Variants in DEPDC4 observed in about 807,000 individuals in gnomAD.
DEPDC4 encodes the protein DEP domain containing 4.
In DEPDC4, 52 loss-of-function variants were observed where a neutral mutation model predicts 52.0. The observed-to-expected ratio is 1.00, with a 90% CI of 0.80 to 1.26. The LOEUF (loss-of-function observed/expected upper bound fraction) is 1.26. Among genes scored for constraint, DEPDC4 ranks in the 50% most tolerant of loss-of-function variants. The pLI, the probability that DEPDC4 is intolerant of heterozygous loss-of-function variation, is 0.00. For missense variants in DEPDC4, 530 were observed against 546.9 expected, an observed-to-expected ratio of 0.97 and a Z score of 0.31; for synonymous variants, 201 against 196.8, an observed-to-expected ratio of 1.02 and a Z score of -0.18.
At chr12:100,263,384 AT>A (rs774582611) in intron 2 of DEPDC4, 112 bp downstream of exon 2, 20,674 of 683,016 alleles carry the variant, frequency 0.03, 2 homozygotes, top group East Asian at 0.041. Context: ...TTTCACATGG[AT>A]TTTTTTTTTT....
chr12:100,280,150 T>C, the DEPDC4 span, among the ~76,000 whole-genome samples: 1 of 152,210 alleles, frequency 6.6e-6, no homozygotes, highest in African/African-American at 2.4e-5. Flanking sequence ...ATGTGTTTAA[T>C]ACATTTTGTT....
chr12:100,267,027 G>T lies in DEPDC4; in HGVS notation c.50C>A (p.Thr17Asn), dbSNP rs766288348. 1 of 1,613,880 alleles carries T rather than the reference G, an allele frequency of 6.2e-7. No individual in the cohort carries two copies. Among genetic ancestry groups the T allele is most frequent in the African/African-American group, 1.3e-5 (1 of 74,932 alleles). The stretch of plus-strand genomic sequence containing the variant: ...ACTGACAAGTCTACGGAACCTCGGA[G>T]TCAAAAGAACCGCCATAAGCTCGCG... ...PARELMAVLL[T>N]PRFRRLVSQN... Residue 17 changes from threonine (T) to asparagine (N), a missense_variant, in exon 1 of 10, where the codon ACT becomes AAT. Coordinates refer to ENST00000550587, the MANE Select transcript of DEPDC4 (RefSeq NM_001364818.2).
chr12:100,259,653 T>C lies in DEPDC4; in HGVS notation c.700+2611A>G, dbSNP rs74534885. On this transcript the variant is annotated intron_variant, in intron 3 of 9. Transcript: ENST00000550587. ...GGGGCATAGGGAAGTATTCGTAAGA[T>C]AGATACAGGGAGGGAAAGAGACACA... Among the ~76,000 whole-genome samples, 353 of 152,312 alleles carry C rather than the reference T, an allele frequency of 2.3e-3. 7 individuals are homozygous for C. The East Asian group carries it at 0.04, about 17-fold the overall frequency.
chr12:100,272,219 A>G, the DEPDC4 span, among the ~76,000 whole-genome samples: 8 of 152,370 alleles, frequency 5.3e-5, no homozygotes, highest in Admixed American at 2.0e-4. Context: ...AATGCCTTAC[A>G]TGACTAAGAA....
intron 5 of DEPDC4, 83 bp downstream of exon 5, chr12:100,253,406 G>C: frequency 1.0e-5 from 5 of 491,404 alleles, no homozygotes; most frequent in South Asian, 7.9e-5. Flanking sequence ...TACTCATATA[G>C]TATACACAAT....
chr12:100,254,994 G>A (rs1036029805), intron 4 of DEPDC4, among the ~76,000 whole-genome samples: 2 of 152,214 alleles, frequency 1.3e-5, no homozygotes, highest in Non-Finnish European at 2.9e-5. Flanking sequence ...CCAAGTTGCT[G>A]GGATTACAGG....
the DEPDC4 span, among the ~76,000 whole-genome samples, chr12:100,275,623 T>C: frequency 6.6e-6 from 1 of 152,244 alleles, no homozygotes; most frequent in Admixed American, 6.5e-5. Flanking sequence ...TTGTGTCATT[T>C]GGGAATAAAT....
At chr12:100,255,353 A>G (rs1592891934) in intron 4 of DEPDC4, among the ~76,000 whole-genome samples, 1 of 152,232 alleles carries the variant, frequency 6.6e-6, no homozygotes, top group Admixed American at 6.5e-5. Flanking sequence ...AAACAGGACC[A>G]TAGTTGACTA....
intron 3 of DEPDC4, among the ~76,000 whole-genome samples, chr12:100,258,263 C>T (rs1272987169): frequency 1.3e-5 from 2 of 152,032 alleles, no homozygotes; most frequent in African/African-American, 4.8e-5. Context: ...CTGGAGGATA[C>T]ATTTGAAGAT....
In DEPDC4 at chr12:100,256,197, G is replaced by C. The variant is rs1470479979; in HGVS notation, c.730C>G (p.Leu244Val). 1 of 1,612,356 alleles carries C rather than the reference G, an allele frequency of 6.2e-7. No homozygotes were observed. The highest frequency in any genetic ancestry group is 2.2e-5 in the East Asian group (1 of 44,714). The change falls in exon 4 of 10, where the codon CTT (leucine) becomes GTT (valine). Residue 244 changes from leucine (L) to valine (V), a missense_variant. Physicochemically the swap from Leu to Val is conservative, Grantham distance 32. Transcript: ENST00000550587. The part of the protein sequence containing the change: ...DVWKEQTLLC[L>V]LQLIHLPFLD... ...AATGGAAGGTGAATCAATTGAAGAAGACATAATAATGTTTGTTCTTTCCAA... is the reference window on the plus strand; with the variant it reads ...AATGGAAGGTGAATCAATTGAAGAACACATAATAATGTTTGTTCTTTCCAA...
chr12:100,235,757 T>C (rs760740316), downstream of DEPDC4, among the ~76,000 whole-genome samples: 2 of 152,236 alleles, frequency 1.3e-5, no homozygotes, highest in Middle Eastern at 3.4e-3. Flanking sequence ...GTATTTTTAG[T>C]AGAGACGGGT....
the DEPDC4 span, among the ~76,000 whole-genome samples, chr12:100,272,653 C>A: frequency 2.6e-5 from 4 of 152,134 alleles, no homozygotes; most frequent in South Asian, 4.1e-4. Context: ...AAACAACTGG[C>A]TTCTATATGT....
At chr12:100,236,304 C>T (rs2096141287), downstream of DEPDC4, among the ~76,000 whole-genome samples, 1 of 152,128 alleles carries the variant, frequency 6.6e-6, no homozygotes, top group Admixed American at 6.6e-5. Flanking sequence ...TTTACATTCC[C>T]ACCAGTAATG....
rs1157810968 is a variant in DEPDC4, at chr12:100,256,265, A to G, written c.701-39T>C. 2.7e-6 allele frequency: 4 copies of G among 1,463,718 alleles called. No homozygotes were observed. The Admixed American group carries it at 7.5e-5, about 27-fold the overall frequency. 90.7% of individuals were successfully genotyped at this position (1,463,718 alleles called of 1,614,324 possible). On this transcript the variant is annotated intron_variant, in intron 3 of 9. Transcript: ENST00000550587. ...GTAATGCAATGATCAAGATTGGTAA[A>G]TAAAACATACACATTCAACCAATAT...
intron 9 of DEPDC4, among the ~76,000 whole-genome samples, chr12:100,232,005 A>G (rs1259469498): frequency 6.6e-6 from 1 of 152,174 alleles, no homozygotes; most frequent in Non-Finnish European, 1.5e-5. Flanking sequence ...CTTTCGAAGT[A>G]TCATATTCTT....
At chr12:100,244,134 T>TACATACAC (rs1555310359) in intron 8 of DEPDC4, among the ~76,000 whole-genome samples, 1 of 121,794 alleles carries the variant, frequency 8.2e-6, no homozygotes, top group Non-Finnish European at 1.7e-5. Flanking sequence ...TATATATATA[T>TACATACAC]ACACAAAATA....
intron 7 of DEPDC4, among the ~76,000 whole-genome samples, chr12:100,251,227 G>T (rs2096206413): frequency 6.6e-6 from 1 of 151,848 alleles, no homozygotes; most frequent in Non-Finnish European, 1.5e-5. Context: ...GTATCACTGT[G>T]CCCAGCTAGA....
Position 100,253,658 on chromosome 12 carries a change from T to C in DEPDC4, c.936A>G (p.Leu312=). ...TTAACTGCTGACTAACTGTAACTAT[T>C]AACTGGTCAGGGAAATACTCCAAGC... ...IECLEYFPDQ[L]IVTVSQQLMQ... is the part of the protein sequence containing the mutation. The change falls in exon 5 of 10, where the codon TTA becomes TTG. Residue 312 remains leucine (L), a synonymous_variant. Coordinates refer to ENST00000550587, the MANE Select transcript of DEPDC4 (RefSeq NM_001364818.2). The C allele has an allele frequency of 7.0e-6, 9 of 1,290,044 alleles. No individual in the cohort carries two copies. The highest frequency in any genetic ancestry group is 9.1e-6 in the Non-Finnish European group (9 of 988,964). The allele number at this position is 1,290,044 out of a possible 1,614,324, so 79.9% of individuals were successfully genotyped here. A position where few individuals can be genotyped will look rare whatever the true frequency, so the allele number is the denominator to read the frequency against.
At chr12:100,275,513 C>T in the DEPDC4 span, among the ~76,000 whole-genome samples, 3 of 152,166 alleles carry the variant, frequency 2.0e-5, no homozygotes, top group Non-Finnish European at 4.4e-5. Context: ...ACAATCTTTT[C>T]AAATATGTTG....
Sources: allele counts gnomAD v4.1 joint callset (sites outside exome capture counted in the v4.1 genomes callset), GRCh38; gene constraint gnomAD v4.1.1; transcripts MANE v1.5; gene names NCBI Gene and HGNC (gene_info 2026-07-23, HGNC 2026-07-21).